Variants in WDR12 observed in about 807,000 individuals in gnomAD.
The protein encoded by WDR12 is ribosome biogenesis protein WDR12.
In WDR12, 42 loss-of-function variants were observed where a neutral mutation model predicts 64.3. The observed-to-expected ratio is 0.65, with a 90% CI of 0.51 to 0.84. The LOEUF (loss-of-function observed/expected upper bound fraction) is 0.84. Among genes scored for constraint, WDR12 ranks in the 40% least tolerant of loss-of-function variants. The pLI is 0.00. For synonymous variants in WDR12, 158 were observed against 173.3 expected (o/e 0.91, Z 0.70); for missense variants, 469 against 494.6 (o/e 0.95, Z 0.49).
intron 2 of WDR12, among the ~76,000 whole-genome samples, chr2:202,902,974 G>C (rs1357293747): frequency 1.3e-5 from 2 of 152,108 alleles, no homozygotes; most frequent in African/African-American, 4.8e-5. Flanking sequence ...AGCTACTCGG[G>C]AGGCTGAAGC....
chr2:202,880,874 G>T lies in WDR12; in HGVS notation c.1258C>A (p.His420Asn). The change falls in exon 13 of 13, where the codon CAT becomes AAT. Residue 420 changes from histidine (H) to asparagine (N), a missense_variant. Coordinates refer to ENST00000261015, the MANE Select transcript of WDR12 (RefSeq NM_018256.4). ...YSYRYSPTTS[H>N]VGA ...ATTGTTCACTTTCATGCCCCAACAT[G>T]GGAAGTGGTAGGTGAATATCTGTAG... 1 of 1,610,030 alleles carries T rather than the reference G, an allele frequency of 6.2e-7. No homozygotes were observed. Among genetic ancestry groups the T allele is most frequent in the South Asian group, 1.1e-5 (1 of 90,292 alleles).
chr2:202,899,692 A>G (rs1390921189), intron 3 of WDR12, 55 bp from the exon 4 acceptor site: 1 of 1,473,262 alleles, frequency 6.8e-7, no homozygotes, highest in African/African-American at 1.4e-5. Flanking sequence ...AAAATATTAC[A>G]TTATGAAGAT....
chr2:202,903,129 T>C (rs561121455), intron 2 of WDR12, among the ~76,000 whole-genome samples: 5 of 152,140 alleles, frequency 3.3e-5, no homozygotes, highest in Non-Finnish European at 7.4e-5. Flanking sequence ...ACATCTATTC[T>C]ATTAGTCCTG....
intron 4 of WDR12, among the ~76,000 whole-genome samples, chr2:202,898,430 C>T (rs1688291386): frequency 3.3e-5 from 5 of 152,198 alleles, no homozygotes; most frequent in South Asian, 4.1e-4. Flanking sequence ...TGATTACAGG[C>T]GTGAGCCACG....
intron 2 of WDR12, among the ~76,000 whole-genome samples, chr2:202,904,138 CAAAAAAAAAAAAA>C (rs34378996): frequency 2.6e-4 from 10 of 38,536 alleles, no homozygotes; most frequent in Admixed American, 7.4e-4. Context: ...AACTCTGTCT[CAAAAAAAAAAAAA>C]AAAAAAAAAA....
chr2:202,891,899 C>T (rs900307306), intron 8 of WDR12, among the ~76,000 whole-genome samples: 4 of 152,002 alleles, frequency 2.6e-5, no homozygotes, highest in Non-Finnish European at 5.9e-5. Flanking sequence ...CAGTGGTTGC[C>T]GGGAACTGGA....
intron 2 of WDR12, among the ~76,000 whole-genome samples, chr2:202,904,138 CAAAAAAAAAAAA>C (rs34378996): frequency 5.2e-5 from 2 of 38,534 alleles, no homozygotes; most frequent in Non-Finnish European, 8.2e-5. Flanking sequence ...AACTCTGTCT[CAAAAAAAAAAAA>C]AAAAAAAAAA....
At chr2:202,883,418 G>T in intron 11 of WDR12, 191 bp downstream of exon 11, 1 of 535,920 alleles carries the variant, frequency 1.9e-6, no homozygotes, top group South Asian at 2.3e-5. Context: ...TTACAGGTGT[G>T]AGCCACTGTG....
intron 2 of WDR12, among the ~76,000 whole-genome samples, chr2:202,903,239 T>A (rs942681483): frequency 8.5e-5 from 13 of 152,158 alleles, no homozygotes; most frequent in African/African-American, 2.9e-4. Context: ...TTGATAAAAT[T>A]CAACATCCTT....
chr2:202,903,645 C>T (rs962884992), intron 2 of WDR12, among the ~76,000 whole-genome samples: 2 of 151,896 alleles, frequency 1.3e-5, no homozygotes, highest in African/African-American at 4.8e-5. Flanking sequence ...TTTATTTTAC[C>T]AAAAACCAAT....
Position 202,896,147 on chromosome 2 carries a change from C to T in WDR12, c.527G>A (p.Arg176Lys). The change falls in exon 6 of 13, where the codon AGA (arginine) becomes AAA (lysine). Residue 176 changes from arginine to lysine, a missense_variant. By Grantham distance (26) the Arg-to-Lys change is conservative (BLOSUM62 2). Coordinates refer to ENST00000261015, the MANE Select transcript of WDR12 (RefSeq NM_018256.4). ...GCAGTGTAGGGCTTTCACTTTGTTT[C>T]TCTCTACATTCCACTCCCATAAGAG... ...TILLWEWNVERNKVKALHCCR... is the reference protein window; with the variant it reads ...TILLWEWNVEKNKVKALHCCR... 1 of 1,614,112 alleles carries T rather than the reference C, an allele frequency of 6.2e-7. No homozygotes were observed. Among genetic ancestry groups the T allele is most frequent in the Non-Finnish European group, 8.5e-7 (1 of 1,180,006 alleles).
At chr2:202,887,804 C>T (rs1469656617) in intron 8 of WDR12, among the ~76,000 whole-genome samples, 2 of 148,426 alleles carry the variant, frequency 1.3e-5, no homozygotes, top group East Asian at 2.0e-4. Flanking sequence ...AGGAGAATGG[C>T]GTGAACCCGG....
chr2:202,907,177 G>A (rs1019015452), intron 2 of WDR12, among the ~76,000 whole-genome samples: 3 of 152,030 alleles, frequency 2.0e-5, no homozygotes, highest in African/African-American at 7.2e-5. Flanking sequence ...TCAAACTCCT[G>A]ACCTCGTGAT....
intron 1 of WDR12, among the ~76,000 whole-genome samples, chr2:202,909,764 AG>A (rs1009031146): frequency 6.6e-6 from 1 of 151,906 alleles, no homozygotes; most frequent in Non-Finnish European, 1.5e-5. Context: ...TTAAGCAAAA[AG>A]AAAAAGCAAG....
intron 1 of WDR12, among the ~76,000 whole-genome samples, chr2:202,910,148 A>G (rs1033075513): frequency 2.0e-5 from 3 of 152,168 alleles, no homozygotes; most frequent in African/African-American, 7.2e-5. Flanking sequence ...AAATTCACAC[A>G]CACACATATG....
intron 1 of WDR12, among the ~76,000 whole-genome samples, chr2:202,909,276 A>C (rs1178504476): frequency 6.6e-6 from 1 of 152,228 alleles, no homozygotes; most frequent in Non-Finnish European, 1.5e-5. Context: ...TAAAAGGTAT[A>C]AACAACCTAA....
chr2:202,888,930 A>C (rs1355837762), intron 8 of WDR12, among the ~76,000 whole-genome samples: 1 of 152,030 alleles, frequency 6.6e-6, no homozygotes, highest in African/African-American at 2.4e-5. Flanking sequence ...GGCTGGTCTC[A>C]AACTCCTAGG....
chr2:202,908,802 T>G (rs1345803013), intron 1 of WDR12, among the ~76,000 whole-genome samples: 1 of 152,184 alleles, frequency 6.6e-6, no homozygotes, highest in Non-Finnish European at 1.5e-5. Context: ...ATTAGGAGAC[T>G]CTTATAAGAG....
At chr2:202,899,144 G>A (rs966651265) in intron 4 of WDR12, among the ~76,000 whole-genome samples, 2 of 137,798 alleles carry the variant, frequency 1.5e-5, no homozygotes, top group East Asian at 2.3e-4. Flanking sequence ...CCAGGTTCAC[G>A]CCATTCTCCT....
Sources: allele counts gnomAD v4.1 joint callset (sites outside exome capture counted in the v4.1 genomes callset), GRCh38; gene constraint gnomAD v4.1.1; transcripts MANE v1.5; gene names NCBI Gene and HGNC (gene_info 2026-07-23, HGNC 2026-07-21).